NEB: variants seen among roughly 807,000 people sequenced by gnomAD.
The protein encoded by NEB is nemaline myopathy type 2.
Under a neutral mutation model 952.2 loss-of-function variants are expected in NEB, and 512 were observed. The ratio of observed to expected loss-of-function variants is 0.54; its 90% CI spans 0.50 to 0.58. The LOEUF is 0.58. NEB is among the 20% of genes least tolerant of loss of function. NEB has a pLI of 0.00. For synonymous variants in NEB, 2,900 were observed against 3,149.8 expected (o/e 0.92, Z 2.66); for missense variants, 8,428 against 9,231.1 (o/e 0.91, Z 3.56).
intron 159 of NEB, among the ~76,000 whole-genome samples, 189 bp from the exon 160 acceptor site, chr2:151,513,882 A>G (rs2076158041): frequency 6.6e-6 from 1 of 152,156 alleles, no homozygotes; most frequent in African/African-American, 2.4e-5. Context: ...TCTGGAGGAA[A>G]CTATTCTATG....
At chr2:151,721,287 T>C (rs769865467) in intron 9 of NEB, among the ~76,000 whole-genome samples, 2 of 152,230 alleles carry the variant, frequency 1.3e-5, no homozygotes, top group Non-Finnish European at 2.9e-5. Flanking sequence ...CAAAATCTTA[T>C]GATGCCTCTT....
chr2:151,697,309 A>G (rs1306154103), intron 15 of NEB, 41 bp downstream of exon 15: 1 of 1,610,676 alleles, frequency 6.2e-7, no homozygotes, highest in African/African-American at 1.3e-5. Context: ...GCCCTGAGAA[A>G]AATGTTATTT....
intron 45 of NEB, among the ~76,000 whole-genome samples, chr2:151,662,778 C>T (rs1575498407): frequency 6.6e-6 from 1 of 152,160 alleles, no homozygotes; most frequent in African/African-American, 2.4e-5. Flanking sequence ...TTTGATCAAC[C>T]ACCACCATTA....
intron 60 of NEB, among the ~76,000 whole-genome samples, chr2:151,640,884 T>G (rs2154106509): frequency 6.6e-6 from 1 of 152,082 alleles, no homozygotes; most frequent in African/African-American, 2.4e-5. Context: ...AGGCATTACT[T>G]TAATACATTC....
intron 179 of NEB, 42 bp downstream of exon 179, chr2:151,491,641 A>G: frequency 7.0e-7 from 1 of 1,436,582 alleles, no homozygotes; most frequent in Non-Finnish European, 9.6e-7. Context: ...TAGCATACTA[A>G]ATGGTGATGT....
intron 138 of NEB, among the ~76,000 whole-genome samples, chr2:151,540,021 T>C (rs533060176): frequency 4.2e-4 from 64 of 152,202 alleles, no homozygotes; most frequent in Non-Finnish European, 7.4e-4. Context: ...TTTGAATCCA[T>C]GTCTGGCTGA....
rs2099584527 is a variant in NEB at position 151,694,832 on chromosome 2, G to T, written c.1675-203C>A. Among the ~76,000 whole-genome samples the T allele has an allele frequency of 2.0e-5, 3 of 152,086 alleles. No individual in the cohort carries two copies. The South Asian group carries it at 6.2e-4, about 32-fold the overall frequency. ...AAGATTGGGCTTCTCTACTCCCCAT[G>T]AGAATTTTTTATCAAATTAATTTAA... On this transcript the variant is annotated intron_variant, in intron 18 of 181. Transcript: ENST00000397345.
At chr2:151,699,784 T>C (rs1256156211) in intron 13 of NEB, among the ~76,000 whole-genome samples, 2 of 147,248 alleles carry the variant, frequency 1.4e-5, no homozygotes, top group East Asian at 2.1e-4. Flanking sequence ...GATGAGTAGG[T>C]TGCGAAAATT....
intron 178 of NEB, 148 bp downstream of exon 178, chr2:151,491,950 T>G (rs2056947360): frequency 1.9e-6 from 2 of 1,035,802 alleles, no homozygotes; most frequent in Admixed American, 2.4e-5. Flanking sequence ...ATCAGCTTTG[T>G]AAACTATGAG....
intron 136 of NEB, 72 bp from the exon 137 acceptor site, chr2:151,540,873 C>T (rs1022370912): frequency 1.6e-6 from 2 of 1,257,900 alleles, no homozygotes; most frequent in Admixed American, 3.6e-5. Flanking sequence ...CCACTTCATT[C>T]ATTTCTAACC....
intron 154 of NEB, among the ~76,000 whole-genome samples, chr2:151,519,270 C>T (rs945175776): frequency 2.7e-4 from 41 of 152,178 alleles, no homozygotes; most frequent in African/African-American, 9.2e-4. Flanking sequence ...GTGGCATATA[C>T]ATACAATGGA....
chr2:151,680,532 C>T (rs1175016248), intron 30 of NEB, among the ~76,000 whole-genome samples, 198 bp downstream of exon 30: 1 of 152,156 alleles, frequency 6.6e-6, no homozygotes, highest in African/African-American at 2.4e-5. Flanking sequence ...GCTAAAAGGA[C>T]AGTCAGCACA....
chr2:151,490,465 T>C lies in NEB; in HGVS notation c.25204A>G (p.Ile8402Val), dbSNP rs1061305. Residue 8402 changes from isoleucine (I) to valine (V), a missense_variant, in exon 180 of 182, where the codon ATC becomes GTC. Around this residue, in one of 11 missense-constraint regions of NEB, gnomAD observed 3,374 missense variants for 3,651.5 expected, o/e 0.92. Transcript: ENST00000397345. Reference protein sequence around the residue: ...EQSRSASALSISGGEEKSEHS... With the variant: ...EQSRSASALSVSGGEEKSEHS... The stretch of plus-strand genomic sequence containing the variant: ...TCAGACTTCTCCTCACCCCCACTGA[T>C]GCTTAGTGCACTGGCAGATCGTGAC... The C allele has an allele frequency of 0.4, 645,501 of 1,606,238 alleles. 132,868 individuals are homozygous for C. Among genetic ancestry groups the C allele is most frequent in the African/African-American group, 0.44 (32,603 of 74,812 alleles).
chr2:151,725,088 C>T, intron 6 of NEB, 127 bp from the exon 7 acceptor site: 1 of 705,644 alleles, frequency 1.4e-6, no homozygotes, highest in Non-Finnish European at 2.4e-6. Context: ...ATAGTTTCTG[C>T]ATTTTAGCTG....
chr2:151,656,479 T>C lies in NEB; in HGVS notation c.6184-15A>G, dbSNP rs1461037459. 2 of 1,569,218 alleles carry C rather than the reference T, an allele frequency of 1.3e-6. No individual in the cohort carries two copies. The highest frequency in any genetic ancestry group is 3.4e-5 in the Admixed American group (2 of 58,424). On this transcript the variant is annotated splice_polypyrimidine_tract_variant and intron_variant, in intron 48 of 181. Transcript: ENST00000397345. ...TTGTATTTATACTGTGAAGAAAATATGAGTTTTTACACAGAGCAATTCCTT... is the reference window on the plus strand; with the variant it reads ...TTGTATTTATACTGTGAAGAAAATACGAGTTTTTACACAGAGCAATTCCTT...
chr2:151,657,202 GATA>G (rs1037182257), intron 48 of NEB, among the ~76,000 whole-genome samples: 2 of 152,128 alleles, frequency 1.3e-5, no homozygotes, highest in Non-Finnish European at 1.5e-5. Flanking sequence ...GAGTTCTCAG[GATA>G]ATAAGAGAGA....
chr2:151,664,787 G>A lies in NEB; in HGVS notation c.5315C>T (p.Ser1772Phe). The A allele has an allele frequency of 6.2e-7, 1 of 1,611,786 alleles. No homozygotes were observed. Among genetic ancestry groups the A allele is most frequent in the Non-Finnish European group, 8.5e-7 (1 of 1,178,390 alleles). ...ACTCATGGTGATTTGGTTTACTCTG[G>A]AGAGTAAAATATCCGGTGTGTCAGG... ...VMPDTPDILL[S>F]RVNQITMSDK... The change falls in exon 43 of 182, where the codon TCC becomes TTC. Residue 1772 changes from serine to phenylalanine, a missense_variant. Ser to Phe is a radical substitution (Grantham distance 155). Coordinates refer to ENST00000397345, the MANE Select transcript of NEB (RefSeq NM_001164508.2).
chr2:151,557,886 T>C (rs1272548049), intron 124 of NEB, among the ~76,000 whole-genome samples: 1 of 152,194 alleles, frequency 6.6e-6, no homozygotes, highest in Non-Finnish European at 1.5e-5. Context: ...GTAAGAGCTA[T>C]TTATAACAAA....
At position 151,724,491 on chromosome 2, in the gene NEB, T is replaced by C. The variant is rs566222665; in HGVS notation, c.508-127A>G. 44 of 707,112 alleles carry C rather than the reference T, an allele frequency of 6.2e-5. No individual in the cohort carries two copies. The East Asian group carries it at 8.4e-4, about 13-fold the overall frequency. The allele number at this position is 707,112 out of a possible 1,614,324, so 43.8% of individuals were successfully genotyped here. A position where few individuals can be genotyped will look rare whatever the true frequency, so the allele number is the denominator to read the frequency against. ...TTGCCAATGGGTTACTAGGAAAACA[T>C]TGACCATGCCAACATCCTATAATAC... On this transcript the variant is annotated intron_variant, in intron 7 of 181. Coordinates refer to ENST00000397345, the MANE Select transcript of NEB (RefSeq NM_001164508.2).
Sources: gnomAD v4.1 joint callset for allele counts (sites outside exome capture counted in the v4.1 genomes callset) on GRCh38, gnomAD v4.1.1 for gene constraint, gnomAD v4.1.1 regional missense constraint, MANE v1.5 for transcripts, NCBI Gene and HGNC (gene_info 2026-07-23, HGNC 2026-07-21) for gene names.